Variants in MAGED1 observed in about 807,000 individuals in gnomAD.
The protein encoded by MAGED1 is melanoma-associated antigen D1.
A neutral mutation model predicts 54.1 loss-of-function variants in MAGED1; 3 were observed. The ratio of observed to expected loss-of-function variants is 0.06; its 90% CI spans 0.03 to 0.14. The LOEUF is 0.14. Ranked by LOEUF, MAGED1 falls within the 10% of genes least tolerant of loss-of-function variation. The pLI is 1.00. For synonymous variants in MAGED1, 217 were observed against 227.3 expected, an observed-to-expected ratio of 0.95 and a Z score of 0.41; for missense variants, 485 against 623.4, an observed-to-expected ratio of 0.78 and a Z score of 2.36.
intron 1 of MAGED1, among the ~76,000 whole-genome samples, chrX:51,874,096 T>C (rs1280906342): frequency 9.0e-6 from 1 of 111,453 alleles, no homozygotes; most frequent in Admixed American, 9.5e-5. Flanking sequence ...GTATAATTAA[T>C]AGATGAAAAT....
intron 1 of MAGED1, among the ~76,000 whole-genome samples, chrX:51,812,531 T>C (rs1925257385): frequency 8.9e-6 from 1 of 112,217 alleles, no homozygotes; most frequent in African/African-American, 3.2e-5. Context: ...GTGTCTCACT[T>C]CTTCCAGTTA....
chrX:51,817,760 G>A (rs1415610925), intron 1 of MAGED1, among the ~76,000 whole-genome samples: 2 of 112,056 alleles, frequency 1.8e-5, no homozygotes, highest in Non-Finnish European at 3.8e-5. Flanking sequence ...TGGTATGGCT[G>A]TTGTGCCACA....
At chrX:51,855,307 A>G (rs1225650188) in intron 1 of MAGED1, among the ~76,000 whole-genome samples, 4 of 112,564 alleles carry the variant, frequency 3.6e-5, no homozygotes, top group Non-Finnish European at 7.5e-5. Flanking sequence ...TTTATTAGGA[A>G]GGAAATAAAA....
intron 1 of MAGED1, among the ~76,000 whole-genome samples, chrX:51,841,643 T>G (rs1926492041): frequency 8.9e-6 from 1 of 111,958 alleles, no homozygotes; most frequent in Non-Finnish European, 1.9e-5. Flanking sequence ...CAGTTTCAGC[T>G]TTCTACATAT....
chrX:51,869,366 T>C (rs1602249663), intron 1 of MAGED1, among the ~76,000 whole-genome samples: 1 of 111,368 alleles, frequency 9.0e-6, no homozygotes, highest in African/African-American at 3.3e-5. Context: ...GGACAGAGTA[T>C]GTGTGGAAAT....
At chrX:51,817,868 C>G (rs1557356209) in intron 1 of MAGED1, among the ~76,000 whole-genome samples, 1 of 111,977 alleles carries the variant, frequency 8.9e-6, no homozygotes, top group African/African-American at 3.2e-5. Flanking sequence ...AGCTATTGAC[C>G]CTGTCAGCAC....
intron 1 of MAGED1, among the ~76,000 whole-genome samples, chrX:51,880,208 T>C (rs1557362375): frequency 8.9e-6 from 1 of 111,989 alleles, no homozygotes; most frequent in Admixed American, 9.4e-5. Context: ...ATGAGTGATA[T>C]ATGATACCCA....
intron 1 of MAGED1, among the ~76,000 whole-genome samples, chrX:51,859,507 T>A (rs1927199009): frequency 8.9e-6 from 1 of 112,130 alleles, no homozygotes; most frequent in South Asian, 3.7e-4. Context: ...GTGAATGGTA[T>A]TCTGCAGAAT....
chrX:51,847,458 TTA>T (rs1379708180), intron 1 of MAGED1, among the ~76,000 whole-genome samples: 5 of 111,554 alleles, frequency 4.5e-5, no homozygotes, highest in Non-Finnish European at 9.4e-5. Context: ...ATTTTGCTCC[TTA>T]GTTCAGCTAG....
Position 51,872,965 on chromosome X carries a change from C to A in MAGED1, c.-36-21304C>A, listed in dbSNP as rs185862381. The stretch of plus-strand genomic sequence containing the variant: ...AGTGCTACTCTGGACCAATCTGCCT[C>A]TGGGGTGGCCCTGCTCTGTCTATGG... On this transcript the variant is annotated intron_variant, in intron 1 of 12. Coordinates refer to the MAGED1 transcript ENST00000375772. Among the ~76,000 whole-genome samples the A allele has an allele frequency of 2.9e-4, 32 of 111,357 alleles. 2 individuals carry two copies. The highest frequency in any genetic ancestry group is 9.8e-4 in the African/African-American group (30 of 30,571).
At chrX:51,807,400 A>G (rs1275712803) in intron 1 of MAGED1, among the ~76,000 whole-genome samples, 1 of 110,624 alleles carries the variant, frequency 9.0e-6, no homozygotes, top group East Asian at 2.8e-4. Flanking sequence ...CAGTCTCTTC[A>G]TGGTGTCTTT....
intron 1 of MAGED1, among the ~76,000 whole-genome samples, chrX:51,880,892 C>T (rs1034050926): frequency 1.3e-4 from 14 of 111,340 alleles, no homozygotes; most frequent in Non-Finnish European, 2.6e-4. Flanking sequence ...CCTCTACTCC[C>T]TCCTTCCTCT....
At chrX:51,823,641 G>A (rs1260680713) in intron 1 of MAGED1, among the ~76,000 whole-genome samples, 2 of 111,449 alleles carry the variant, frequency 1.8e-5, no homozygotes, top group Non-Finnish European at 3.8e-5. Flanking sequence ...TACTCTTCAG[G>A]TAGAATTTAC....
chrX:51,861,262 T>G (rs1418935465), intron 1 of MAGED1, among the ~76,000 whole-genome samples: 1 of 111,648 alleles, frequency 9.0e-6, no homozygotes, highest in African/African-American at 3.3e-5. Flanking sequence ...AAATATACTG[T>G]ATATTATAGC....
intron 1 of MAGED1, among the ~76,000 whole-genome samples, chrX:51,803,597 G>C (rs1333457706): frequency 5.0e-5 from 5 of 100,843 alleles, no homozygotes; most frequent in African/African-American, 1.8e-4. Flanking sequence ...TACGTACTTT[G>C]CAACAGTAGG....
Position 51,857,507 on chromosome X carries a change from C to G in MAGED1, c.-36-36762C>G, listed in dbSNP as rs148018496. On this transcript the variant is annotated intron_variant, in intron 1 of 12. Transcript: ENST00000375772. ...GAGAGAATTCATAGTGGAAAGTAAC[C>G]TTATGCAATGATGAATGTGGGAAAG... 6.3e-5 allele frequency: 7 copies of G among 111,646 alleles called. No homozygotes were observed. In the East Asian group the frequency reaches 2.0e-3, roughly 31 times the overall value. The allele number at this position is 111,646 out of a possible 1,213,427, so 9.2% of individuals were successfully genotyped here. A position where few individuals can be genotyped will look rare whatever the true frequency, so the allele number is the denominator to read the frequency against.
intron 1 of MAGED1, among the ~76,000 whole-genome samples, chrX:51,887,215 C>T (rs1353499812): frequency 1.8e-5 from 2 of 111,130 alleles, no homozygotes; most frequent in African/African-American, 3.3e-5. Context: ...AAGCACATAT[C>T]GTCACATTCA....
upstream of MAGED1, among the ~76,000 whole-genome samples, chrX:51,891,212 A>G (rs1172958186): frequency 8.9e-6 from 1 of 112,825 alleles, no homozygotes; most frequent in Non-Finnish European, 1.9e-5. Flanking sequence ...GGTGTTAAAA[A>G]CAAGTGTTTG....
chrX:51,888,827 A>C (rs1557363058), upstream of MAGED1, among the ~76,000 whole-genome samples: 1 of 112,394 alleles, frequency 8.9e-6, no homozygotes, highest in Non-Finnish European at 1.9e-5. Flanking sequence ...ACTGGGATGC[A>C]TCTCACAGGC....
Sources: gnomAD v4.1 joint callset for allele counts (sites outside exome capture counted in the v4.1 genomes callset) on GRCh38, gnomAD v4.1.1 for gene constraint, MANE v1.5 for transcripts, NCBI Gene and HGNC (gene_info 2026-07-23, HGNC 2026-07-21) for gene names.